IMMP2L: variants seen among roughly 807,000 people sequenced by gnomAD.
IMMP2L encodes the protein inner mitochondrial membrane peptidase subunit 2.
IMMP2L carries 18 observed loss-of-function variants against 19.3 expected under a neutral mutation model. The ratio of observed to expected loss-of-function variants is 0.93; its 90% confidence interval spans 0.64 to 1.38. The LOEUF (loss-of-function observed/expected upper bound fraction) is 1.38. Ranked by LOEUF, IMMP2L falls within the 40% of genes most tolerant of loss-of-function variation. The pLI is 0.00. For missense variants in IMMP2L, 233 were observed against 218.2 expected (o/e 1.07, Z -0.43); for synonymous variants, 76 against 73.0 (o/e 1.04, Z -0.21).
chr7:110,871,800 T>G (rs1408378302), intron 5 of IMMP2L, among the ~76,000 whole-genome samples: 1 of 152,174 alleles, frequency 6.6e-6, no homozygotes, highest in Non-Finnish European at 1.5e-5. Flanking sequence ...ACAATATAGT[T>G]TTTTTAAGTA....
chr7:110,827,763 A>G (rs374679265), intron 5 of IMMP2L, among the ~76,000 whole-genome samples: 3 of 152,126 alleles, frequency 2.0e-5, no homozygotes, highest in African/African-American at 7.2e-5. Flanking sequence ...TCCTTCACAT[A>G]CTTGAATACA....
chr7:110,849,345 C>A (rs113403459), intron 5 of IMMP2L, among the ~76,000 whole-genome samples: 1 of 151,956 alleles, frequency 6.6e-6, no homozygotes, highest in African/African-American at 2.4e-5. Context: ...ATAAAATAAT[C>A]GAGAGATCTG....
intron 5 of IMMP2L, among the ~76,000 whole-genome samples, chr7:110,704,263 T>G (rs1794491540): frequency 6.6e-6 from 1 of 152,182 alleles, no homozygotes; most frequent in African/African-American, 2.4e-5. Flanking sequence ...AATGTGTGAA[T>G]AACAACCTCC....
intron 3 of IMMP2L, among the ~76,000 whole-genome samples, chr7:111,284,375 A>G (rs556690509): frequency 6.6e-6 from 1 of 152,266 alleles, no homozygotes; most frequent in South Asian, 2.1e-4. Context: ...TCATTACTAC[A>G]TTACTACAGC....
rs1453899328 is a variant in IMMP2L at position 111,401,613 on chromosome 7, T to G, written c.239+85625A>C. Among the ~76,000 whole-genome samples the G allele has an allele frequency of 3.9e-5, 6 of 152,274 alleles. No homozygotes were observed. In the East Asian group the frequency reaches 1.2e-3, roughly 30 times the overall value. ...CACATCCTGTAGCACTCTGGAATTA[T>G]GGGCTCTGACTGGTAGTAGACTACT... On this transcript the variant is annotated intron_variant, in intron 3 of 5. Transcript: ENST00000405709.
intron 3 of IMMP2L, among the ~76,000 whole-genome samples, chr7:111,218,009 G>A (rs1586882318): frequency 6.6e-6 from 1 of 151,976 alleles, no homozygotes; most frequent in African/African-American, 2.4e-5. Flanking sequence ...TACGGAAAAT[G>A]CTATTGCCTT....
chr7:111,030,718 C>G (rs187742929), intron 3 of IMMP2L, among the ~76,000 whole-genome samples: 44 of 151,712 alleles, frequency 2.9e-4, no homozygotes, highest in African/African-American at 1.0e-3. Context: ...ACATAGTTAC[C>G]CACTGTATTT....
chr7:111,252,218 T>G (rs999612505), intron 3 of IMMP2L, among the ~76,000 whole-genome samples: 2 of 151,998 alleles, frequency 1.3e-5, no homozygotes, highest in South Asian at 2.1e-4. Context: ...CATGGAGTAT[T>G]CAGCTGATGG....
chr7:111,506,528 G>A (rs891089220), intron 2 of IMMP2L, among the ~76,000 whole-genome samples: 1 of 152,130 alleles, frequency 6.6e-6, no homozygotes, highest in Admixed American at 6.5e-5. Context: ...CTCCAGAGTA[G>A]CTGGGACTAC....
chr7:110,849,074 T>G (rs1157213882), intron 5 of IMMP2L, among the ~76,000 whole-genome samples: 1 of 152,104 alleles, frequency 6.6e-6, no homozygotes, highest in Non-Finnish European at 1.5e-5. Context: ...AGACTTTGGG[T>G]AATAATGATG....
chr7:110,963,016 TATC>T (rs1384858597), intron 4 of IMMP2L: 17 of 1,509,396 alleles, frequency 1.1e-5, no homozygotes, highest in Non-Finnish European at 1.4e-5. Context: ...GTTACAATCT[TATC>T]ATCTAAAGCT....
chr7:111,314,871 A>C (rs1823884900), intron 3 of IMMP2L, among the ~76,000 whole-genome samples: 1 of 152,170 alleles, frequency 6.6e-6, no homozygotes, highest in South Asian at 2.1e-4. Flanking sequence ...AATGTAACTT[A>C]AATTAAGCTG....
At chr7:110,735,846 CAAAAAAAAA>C (rs59078426) in intron 5 of IMMP2L, among the ~76,000 whole-genome samples, 1 of 47,628 alleles carries the variant, frequency 2.1e-5, no homozygotes, top group African/African-American at 7.9e-5. Context: ...CACTCTGCCT[CAAAAAAAAA>C]AAAAAAAAAA....
In IMMP2L at chr7:111,442,779, G is replaced by A. The variant is rs950235779; in HGVS notation, c.239+44459C>T. Reference sequence around the variant, plus strand: ...ATTTTCTACAATTCTCTGTTACGAGGTCCTTTGTAAATCACAGGAGAGTAA... The same window carrying A: ...ATTTTCTACAATTCTCTGTTACGAGATCCTTTGTAAATCACAGGAGAGTAA... On this transcript the variant is annotated intron_variant, in intron 3 of 5. Coordinates refer to ENST00000405709, the MANE Select transcript of IMMP2L (RefSeq NM_032549.4). Among the ~76,000 whole-genome samples, 4 of 151,848 alleles carry A rather than the reference G, an allele frequency of 2.6e-5. 1 individual carries two copies. Among genetic ancestry groups the A allele is most frequent in the African/African-American group, 9.7e-5 (4 of 41,162 alleles).
intron 3 of IMMP2L, among the ~76,000 whole-genome samples, chr7:111,423,228 A>C (rs1408064900): frequency 1.3e-5 from 2 of 151,888 alleles, no homozygotes; most frequent in Non-Finnish European, 2.9e-5. Flanking sequence ...TGCTGGCCTC[A>C]TAAAATGAGT....
At chr7:110,865,860 T>G (rs74772432) in intron 5 of IMMP2L, among the ~76,000 whole-genome samples, 1 of 151,994 alleles carries the variant, frequency 6.6e-6, no homozygotes, top group Admixed American at 6.6e-5. Context: ...TTTTTTTTTT[T>G]GAGGAGAACA....
At chr7:110,730,606 G>C (rs1036911005) in intron 5 of IMMP2L, among the ~76,000 whole-genome samples, 6 of 151,384 alleles carry the variant, frequency 4.0e-5, no homozygotes, top group Non-Finnish European at 7.4e-5. Flanking sequence ...CTCACTGCAA[G>C]CTCCGCCTCC....
At chr7:111,040,714 T>A (rs1791812233) in intron 3 of IMMP2L, among the ~76,000 whole-genome samples, 3 of 140,904 alleles carry the variant, frequency 2.1e-5, no homozygotes, top group Admixed American at 1.4e-4. Flanking sequence ...ATAAATCTAA[T>A]ATTTAATATT....
chr7:111,079,992 T>C (rs1795757362), intron 3 of IMMP2L, among the ~76,000 whole-genome samples: 1 of 149,636 alleles, frequency 6.7e-6, no homozygotes, highest in Non-Finnish European at 1.5e-5. Context: ...GCCCCTTACC[T>C]TGAACTTCGC....
Sources: gnomAD v4.1 joint callset for allele counts (sites outside exome capture counted in the v4.1 genomes callset) on GRCh38, gnomAD v4.1.1 for gene constraint, MANE v1.5 for transcripts, NCBI Gene and HGNC (gene_info 2026-07-23, HGNC 2026-07-21) for gene names.